Variants in SNX18 observed in about 807,000 individuals in gnomAD.
SNX18 encodes the protein sorting nexin-18.
In SNX18, 35 loss-of-function variants were observed where a neutral mutation model predicts 48.7. The ratio of observed to expected loss-of-function variants is 0.72; its 90% CI spans 0.55 to 0.95. The LOEUF is 0.95. Ranked by LOEUF, SNX18 falls within the 40% of genes least tolerant of loss-of-function variation. SNX18 has a pLI of 0.00. For missense variants in SNX18, 824 were observed against 871.0 expected (o/e 0.95, Z 0.68); for synonymous variants, 492 against 384.7 (o/e 1.28, Z -3.26).
the SNX18 span, chr5:54,644,404 A>T: frequency 6.6e-6 from 1 of 152,224 alleles, no homozygotes; most frequent in Non-Finnish European, 1.5e-5. Flanking sequence ...ATGGGGCACA[A>T]TCCAGAGGTT....
At chr5:54,575,969 T>C in the SNX18 span, among the ~76,000 whole-genome samples, 1 of 151,934 alleles carries the variant, frequency 6.6e-6, no homozygotes, top group South Asian at 2.1e-4. Context: ...TTTGGCCATT[T>C]CTCTGAGTCT....
chr5:54,606,699 T>C, the SNX18 span, among the ~76,000 whole-genome samples: 8 of 152,346 alleles, frequency 5.3e-5, no homozygotes, highest in Admixed American at 1.3e-4. Context: ...ATCTCGTGTA[T>C]TCTTCACCCA....
the SNX18 span, among the ~76,000 whole-genome samples, chr5:54,583,830 T>C: frequency 2.0e-5 from 3 of 152,176 alleles, no homozygotes; most frequent in Admixed American, 2.0e-4. Context: ...GAAGTGCTTA[T>C]TTGGTCTCAA....
chr5:54,518,736 C>G lies in SNX18; in HGVS notation c.784C>G (p.Leu262Val). 1 of 1,605,542 alleles carries G rather than the reference C, an allele frequency of 6.2e-7. No individual in the cohort carries two copies. Among genetic ancestry groups the G allele is most frequent in the Non-Finnish European group, 8.5e-7 (1 of 1,175,660 alleles). ...GGACGGGGACAAGCTGTGCGTGGTG[C>G]TGGGGCCCTATGGCCCCGAGTGGCA... ...VKDGDKLCVV[L>V]GPYGPEWQEN... Residue 262 changes from leucine (L) to valine (V), a missense_variant, in exon 1 of 2, where the codon CTG becomes GTG. Transcript: ENST00000381410.
chr5:54,568,601 G>C, the SNX18 span, among the ~76,000 whole-genome samples: 1 of 152,166 alleles, frequency 6.6e-6, no homozygotes. Context: ...CAGTGCCAAA[G>C]AAAGTGCCCG....
the SNX18 span, among the ~76,000 whole-genome samples, chr5:54,592,206 T>C: frequency 4.6e-5 from 7 of 152,310 alleles, no homozygotes; most frequent in East Asian, 1.3e-3. Flanking sequence ...CCACACATGG[T>C]GACCTGGGAC....
the SNX18 span, among the ~76,000 whole-genome samples, chr5:54,609,652 T>TA: frequency 6.6e-5 from 10 of 151,564 alleles, no homozygotes; most frequent in African/African-American, 1.7e-4. Context: ...AGGGCTGAGA[T>TA]AAAAAAAATG....
chr5:54,588,306 CTTTTTTTTTTTTTTTTT>C, the SNX18 span, among the ~76,000 whole-genome samples: 5 of 73,920 alleles, frequency 6.8e-5, no homozygotes, highest in Admixed American at 3.7e-4. Context: ...TATTTCTATT[CTTTTTTTTTTTTTTTTT>C]TTTTTTTTTT....
downstream of SNX18, among the ~76,000 whole-genome samples, chr5:54,551,475 A>G (rs775388973): frequency 3.3e-5 from 5 of 152,214 alleles, no homozygotes; most frequent in Non-Finnish European, 7.3e-5. Context: ...GCATTTTGCA[A>G]CTAATTACGT....
the SNX18 span, among the ~76,000 whole-genome samples, chr5:54,625,279 T>C: frequency 6.6e-6 from 1 of 152,138 alleles, no homozygotes; most frequent in Non-Finnish European, 1.5e-5. Flanking sequence ...ATTCTGCGGG[T>C]CCGGCCTTGC....
Position 54,518,105 on chromosome 5 carries a change from C to A in SNX18, c.153C>A (p.Phe51Leu). 6.6e-7 allele frequency: 1 copy of A among 1,513,674 alleles called. No individual in the cohort carries two copies. The allele number at this position is 1,513,674 out of a possible 1,614,324, so 93.8% of individuals were successfully genotyped here. The change falls in exon 1 of 2, where the codon TTC (phenylalanine) becomes TTA (leucine). Residue 51 changes from phenylalanine (F) to leucine (L), a missense_variant. This residue lies in a region of SNX18 where 377 missense variants were observed against 350.6 expected (regional missense o/e 1.08). Transcript: ENST00000381410. ...ACAGCCGCGGCGACCGCGGCCTCTTCCCGGCCTCCTATGTGCAGGTGATCC... is the reference window on the plus strand; with the variant it reads ...ACAGCCGCGGCGACCGCGGCCTCTTACCGGCCTCCTATGTGCAGGTGATCC... ...GVNSRGDRGLFPASYVQVIRA... is the reference protein window; with the variant it reads ...GVNSRGDRGLLPASYVQVIRA...
the SNX18 span, among the ~76,000 whole-genome samples, chr5:54,624,785 A>G: frequency 6.6e-6 from 1 of 152,202 alleles, no homozygotes; most frequent in African/African-American, 2.4e-5. Context: ...TCCAGAGCAG[A>G]CAGGTCTAAA....
At chr5:54,568,819 A>G in the SNX18 span, among the ~76,000 whole-genome samples, 226 of 142,036 alleles carry the variant, frequency 1.6e-3, 1 homozygote, top group African/African-American at 5.7e-3. Context: ...CACAACCACT[A>G]TATTTCAGTG....
intron 1 of SNX18, among the ~76,000 whole-genome samples, chr5:54,539,803 G>GAA (rs11396256): frequency 1.3e-5 from 2 of 151,630 alleles, no homozygotes; most frequent in Non-Finnish European, 2.9e-5. Flanking sequence ...TCATACTTGG[G>GAA]AAAAAATGAG....
intron 1 of SNX18, among the ~76,000 whole-genome samples, chr5:54,531,202 G>A (rs984299502): frequency 1.3e-5 from 2 of 152,076 alleles, no homozygotes; most frequent in Non-Finnish European, 2.9e-5. Context: ...GTTGGCTTTG[G>A]AAAGGAACAG....
At chr5:54,636,284 C>A in the SNX18 span, among the ~76,000 whole-genome samples, 2 of 152,144 alleles carry the variant, frequency 1.3e-5, no homozygotes, top group Admixed American at 6.6e-5. Flanking sequence ...ACTGATATCA[C>A]TTTTTCATTT....
chr5:54,573,000 A>AAT, the SNX18 span, among the ~76,000 whole-genome samples: 1 of 151,206 alleles, frequency 6.6e-6, no homozygotes, highest in Non-Finnish European at 1.5e-5. Context: ...GATTCCCAGA[A>AAT]ATAGCCTCCC....
chr5:54,628,158 C>T, the SNX18 span, among the ~76,000 whole-genome samples: 2 of 152,124 alleles, frequency 1.3e-5, no homozygotes, highest in African/African-American at 4.8e-5. Flanking sequence ...GGTTTTACTG[C>T]AGGATAATCA....
chr5:54,604,856 G>C, the SNX18 span, among the ~76,000 whole-genome samples: 1 of 152,224 alleles, frequency 6.6e-6, no homozygotes, highest in Admixed American at 6.5e-5. Context: ...ATTGATTTTA[G>C]ATTGGATGTC....
Sources: gnomAD v4.1 joint callset for allele counts (sites outside exome capture counted in the v4.1 genomes callset) on GRCh38, gnomAD v4.1.1 for gene constraint, gnomAD v4.1.1 regional missense constraint, MANE v1.5 for transcripts, NCBI Gene and HGNC (gene_info 2026-07-23, HGNC 2026-07-21) for gene names.